The following USO1 variants were observed in gnomAD, a reference collection of about 807,000 sequenced individuals.
USO1 encodes USO1 vesicle transport factor, also known as general vesicular transport factor p115.
USO1 carries 57 observed loss-of-function variants against 124.5 expected under a neutral mutation model. That is an observed-to-expected ratio of 0.46 (90% CI 0.37 to 0.57). The LOEUF (loss-of-function observed/expected upper bound fraction) is 0.57. Ranked by LOEUF, USO1 falls within the 20% of genes least tolerant of loss-of-function variation. The pLI is 0.00. For synonymous variants in USO1, 369 were observed against 362.8 expected, an observed-to-expected ratio of 1.02 and a Z score of -0.19; for missense variants, 900 against 1,040.6, an observed-to-expected ratio of 0.86 and a Z score of 1.86.
chr4:75,743,068 T>A (rs1721012008), intron 1 of USO1, among the ~76,000 whole-genome samples: 1 of 150,526 alleles, frequency 6.6e-6, no homozygotes, highest in South Asian at 2.1e-4. Flanking sequence ...CACTGCAGGC[T>A]CCACCTCCCG....
At position 75,808,999 on chromosome 4, in the gene USO1, T is replaced by C. The variant is rs999096011; in HGVS notation, c.2423T>C (p.Ile808Thr). The change falls in exon 21 of 24, where the codon ATC becomes ACC. Residue 808 changes from isoleucine to threonine, a missense_variant. Around this residue, in one of 2 missense-constraint regions of USO1, gnomAD observed 362 missense variants for 359.0 expected, o/e 1.01. Transcript: ENST00000514213. Reference protein sequence around the residue: ...KSQLNSQSVEITKLQTEKQEL... With the variant: ...KSQLNSQSVETTKLQTEKQEL... The stretch of plus-strand genomic sequence containing the variant: ...CAGTTAAACTCACAATCTGTGGAGA[T>C]CACCAAACTACAGACAGAAAAGCAG... 1 of 1,605,738 alleles carries C rather than the reference T, an allele frequency of 6.2e-7. No homozygotes were observed. Among genetic ancestry groups the C allele is most frequent in the Non-Finnish European group, 8.5e-7 (1 of 1,176,324 alleles).
At chr4:75,800,153 T>C (rs1212665317) in intron 14 of USO1, among the ~76,000 whole-genome samples, 198 bp from the exon 15 acceptor site, 1 of 152,060 alleles carries the variant, frequency 6.6e-6, no homozygotes, top group East Asian at 1.9e-4. Flanking sequence ...GCCAGGCTGG[T>C]CTCAAACTCC....
At chr4:75,739,540 T>TTC (rs1577927356) in intron 1 of USO1, among the ~76,000 whole-genome samples, 1 of 136,276 alleles carries the variant, frequency 7.3e-6, no homozygotes, top group East Asian at 2.1e-4. Context: ...ATCTTTTTCT[T>TTC]TTTTTTTTTT....
rs187066008 is a variant in USO1 at position 75,724,616 on chromosome 4, C to A, written c.-204C>A. ...ACCTTCGAGCCGCCACGTAATGCCA[C>A]GTCCCCGCGCATGCGCATCTTGGCC... On this transcript the variant is annotated 5_prime_UTR_variant, in exon 1 of 24. Coordinates refer to ENST00000514213, the MANE Select transcript of USO1 (RefSeq NM_003715.4). The A allele has an allele frequency of 1.7e-6, 1 of 577,954 alleles. No individual in the cohort carries two copies. Among genetic ancestry groups the A allele is most frequent in the Non-Finnish European group, 3.1e-6 (1 of 324,312 alleles). The allele number at this position is 577,954 out of a possible 1,614,324, so 35.8% of individuals were successfully genotyped here.
intron 1 of USO1, among the ~76,000 whole-genome samples, chr4:75,726,301 A>AG (rs1393128759): frequency 3.5e-4 from 52 of 148,442 alleles, no homozygotes; most frequent in South Asian, 8.4e-4. Context: ...AAAAAAAAAA[A>AG]GGGGTGAAGT....
intron 4 of USO1, among the ~76,000 whole-genome samples, chr4:75,758,579 C>T (rs75896084): frequency 0.094 from 14,320 of 152,080 alleles, 894 homozygotes; most frequent in South Asian, 0.2. Context: ...CATAAATATC[C>T]TTTTTAAAAA....
intron 12 of USO1, among the ~76,000 whole-genome samples, chr4:75,792,304 A>G (rs1001196166): frequency 6.6e-6 from 1 of 152,190 alleles, no homozygotes; most frequent in African/African-American, 2.4e-5. Flanking sequence ...TGGGAGGCCA[A>G]GGCGGGTGGA....
intron 19 of USO1, among the ~76,000 whole-genome samples, chr4:75,805,547 A>C (rs1406860700): frequency 6.6e-6 from 1 of 152,128 alleles, no homozygotes; most frequent in Non-Finnish European, 1.5e-5. Flanking sequence ...TCTCTACTAA[A>C]AATACAAAAA....
chr4:75,746,304 T>C lies in USO1; in HGVS notation c.67-6069T>C, dbSNP rs1244598997. On this transcript the variant is annotated intron_variant, in intron 1 of 23. Coordinates refer to ENST00000514213, the MANE Select transcript of USO1 (RefSeq NM_003715.4). Reference sequence around the variant, plus strand: ...ATTATAGTTTCTGTCCATGCCTAGCTGCAAGGAAAGCCTGAAAATAGGATA... The same window carrying C: ...ATTATAGTTTCTGTCCATGCCTAGCCGCAAGGAAAGCCTGAAAATAGGATA... Among the ~76,000 whole-genome samples the C allele has an allele frequency of 3.9e-5, 6 of 152,224 alleles. 1 individual carries two copies. The highest frequency in any genetic ancestry group is 3.9e-4 in the Admixed American group (6 of 15,282).
chr4:75,747,993 C>T (rs535568890), intron 1 of USO1, among the ~76,000 whole-genome samples: 4 of 149,854 alleles, frequency 2.7e-5, no homozygotes, highest in South Asian at 2.1e-4. Flanking sequence ...CCGCAACCTC[C>T]GCCTCCTGGG....
chr4:75,773,012 C>T (rs1385444461), intron 7 of USO1, among the ~76,000 whole-genome samples: 2 of 151,910 alleles, frequency 1.3e-5, no homozygotes, highest in African/African-American at 2.4e-5. Context: ...GCAGGAGAAT[C>T]GCTTGAACCT....
At chr4:75,752,220 A>G (rs1045079556) in intron 1 of USO1, among the ~76,000 whole-genome samples, 153 bp from the exon 2 acceptor site, 1 of 152,178 alleles carries the variant, frequency 6.6e-6, no homozygotes, top group Non-Finnish European at 1.5e-5. Flanking sequence ...TGAGATTATA[A>G]TACTACCTAA....
Position 75,773,555 on chromosome 4 carries a change from G to A in USO1, c.556-1121G>A, listed in dbSNP as rs76087774. On this transcript the variant is annotated intron_variant, in intron 7 of 23. Coordinates refer to ENST00000514213, the MANE Select transcript of USO1 (RefSeq NM_003715.4). ...TTTTTTTATTTCATTAGTTTTTGGGGAACAGTTTTTGGGGAACAGTGTTTG... is the reference window on the plus strand; with the variant it reads ...TTTTTTTATTTCATTAGTTTTTGGGAAACAGTTTTTGGGGAACAGTGTTTG... Among the ~76,000 whole-genome samples, 782 of 151,998 alleles carry A rather than the reference G, an allele frequency of 5.1e-3. 8 individuals are homozygous for A. The highest frequency in any genetic ancestry group is 0.018 in the African/African-American group (742 of 41,448).
In USO1 at chr4:75,793,758, A is replaced by T; in HGVS notation, c.1309A>T (p.Asn437Tyr). 1 of 1,613,734 alleles carries T rather than the reference A, an allele frequency of 6.2e-7. No homozygotes were observed. The highest frequency in any genetic ancestry group is 8.5e-7 in the Non-Finnish European group (1 of 1,179,796). ...GGLFSTDSLS[N>Y]WCAAVALAHA... ...TTTGTTTTCTACTGATTCACTTTCAAACTGGTGTGCTGCTGTGGCCCTTGC... is the reference window on the plus strand; with the variant it reads ...TTTGTTTTCTACTGATTCACTTTCATACTGGTGTGCTGCTGTGGCCCTTGC... Residue 437 changes from asparagine to tyrosine, a missense_variant, in exon 13 of 24, where the codon AAC becomes TAC. Asn to Tyr is a moderately radical substitution (Grantham distance 143, BLOSUM62 -2). This residue lies in a region of USO1 where 538 missense variants were observed against 681.6 expected (regional missense o/e 0.79). Transcript: ENST00000514213.
intron 3 of USO1, among the ~76,000 whole-genome samples, chr4:75,756,636 A>C (rs527413314): frequency 6.6e-6 from 1 of 151,160 alleles, no homozygotes; most frequent in East Asian, 2.0e-4. Context: ...CCTCCTGAGC[A>C]GCTGGGGTTA....
At chr4:75,739,087 C>T (rs955069769) in intron 1 of USO1, among the ~76,000 whole-genome samples, 4 of 151,946 alleles carry the variant, frequency 2.6e-5, no homozygotes, top group Non-Finnish European at 5.9e-5. Context: ...CTCCTGACCT[C>T]GTGATCCGCC....
chr4:75,791,698 A>G (rs1219664563), intron 12 of USO1, among the ~76,000 whole-genome samples: 1 of 152,310 alleles, frequency 6.6e-6, no homozygotes, highest in East Asian at 1.9e-4. Context: ...TTAAACTTCA[A>G]GAGCAGTTTC....
intron 4 of USO1, among the ~76,000 whole-genome samples, chr4:75,766,780 G>C (rs1170049475): frequency 6.6e-6 from 1 of 152,164 alleles, no homozygotes; most frequent in East Asian, 1.9e-4. Context: ...GACAGAGTTA[G>C]GCTACTTGCC....
At chr4:75,749,542 C>T (rs1721238079) in intron 1 of USO1, among the ~76,000 whole-genome samples, 1 of 151,016 alleles carries the variant, frequency 6.6e-6, no homozygotes. Context: ...GCTATGACTA[C>T]AGGCTCACAC....
Sources: gnomAD v4.1 joint callset for allele counts (sites outside exome capture counted in the v4.1 genomes callset) on GRCh38, gnomAD v4.1.1 for gene constraint, gnomAD v4.1.1 regional missense constraint, MANE v1.5 for transcripts, NCBI Gene and HGNC (gene_info 2026-07-23, HGNC 2026-07-21) for gene names.